WAPL: variants seen among roughly 807,000 people sequenced by gnomAD.
WAPL encodes the protein WAPL cohesin release factor, also known as wings apart-like protein homolog.
WAPL carries 5 observed loss-of-function variants against 121.0 expected under a neutral mutation model. That is an observed-to-expected ratio of 0.04 (90% CI 0.02 to 0.09). The LOEUF is 0.09. Ranked by LOEUF, WAPL falls within the 10% of genes least tolerant of loss-of-function variation. WAPL has a pLI of 1.00. For missense variants in WAPL, 999 were observed against 1,410.8 expected (o/e 0.71, Z 4.68); for synonymous variants, 480 against 481.5 (o/e 1.00, Z 0.04).
chr10:86,460,575 G>T, intron 10 of WAPL, 79 bp from the exon 11 acceptor site: 1 of 1,189,296 alleles, frequency 8.4e-7, no homozygotes, highest in Non-Finnish European at 1.2e-6. Context: ...AACATTAGAA[G>T]CCATCTGTAC....
chr10:86,471,307 T>TA (rs888003977), intron 7 of WAPL, among the ~76,000 whole-genome samples: 6 of 152,184 alleles, frequency 3.9e-5, no homozygotes, highest in Non-Finnish European at 7.3e-5. Context: ...CACTGTATTT[T>TA]AAAAAAATAA....
intron 4 of WAPL, among the ~76,000 whole-genome samples, chr10:86,491,640 A>T (rs928100137): frequency 2.6e-5 from 4 of 152,056 alleles, no homozygotes; most frequent in African/African-American, 9.7e-5. Flanking sequence ...ACAGAAGGCA[A>T]GGGAAGTGCT....
At chr10:86,461,812 G>C (rs184597818) in intron 9 of WAPL, among the ~76,000 whole-genome samples, 2 of 152,164 alleles carry the variant, frequency 1.3e-5, no homozygotes, top group Non-Finnish European at 2.9e-5. Flanking sequence ...TATTAACTAT[G>C]TTTCTACTAT....
At chr10:86,452,489 G>C (rs1841006711) in intron 14 of WAPL, among the ~76,000 whole-genome samples, 1 of 152,126 alleles carries the variant, frequency 6.6e-6, no homozygotes, top group South Asian at 2.1e-4. Context: ...CTAATTGGGA[G>C]GCTGAGGCAG....
At chr10:86,492,202 T>C (rs1036112316) in intron 4 of WAPL, among the ~76,000 whole-genome samples, 1 of 152,212 alleles carries the variant, frequency 6.6e-6, no homozygotes, top group South Asian at 2.1e-4. Context: ...ACTGAATCTA[T>C]AGTGATGGAG....
chr10:86,459,563 G>C (rs1190767480), intron 11 of WAPL, among the ~76,000 whole-genome samples: 1 of 152,212 alleles, frequency 6.6e-6, no homozygotes, highest in Non-Finnish European at 1.5e-5. Flanking sequence ...TTAGCTGGCA[G>C]TATAAATTCT....
intron 4 of WAPL, among the ~76,000 whole-genome samples, chr10:86,495,460 C>T (rs1842131432): frequency 1.3e-5 from 2 of 150,506 alleles, no homozygotes; most frequent in Non-Finnish European, 3.0e-5. Flanking sequence ...GTGAGACCAT[C>T]TCAAAAAAAA....
chr10:86,442,819 C>G (rs138585490), intron 17 of WAPL, among the ~76,000 whole-genome samples: 12,144 of 152,154 alleles, frequency 0.08, 862 homozygotes, highest in East Asian at 0.38. Context: ...GCAGGCGGAT[C>G]ACGAGGTCAG....
At chr10:86,491,341 G>A (rs529114903) in intron 4 of WAPL, among the ~76,000 whole-genome samples, 69 of 151,666 alleles carry the variant, frequency 4.5e-4, no homozygotes, top group African/African-American at 1.4e-3. Flanking sequence ...GGATTTCACC[G>A]TGTTAGCCAG....
intron 4 of WAPL, among the ~76,000 whole-genome samples, chr10:86,496,888 G>GT (rs933475409): frequency 1.2e-5 from 1 of 84,962 alleles, no homozygotes; most frequent in African/African-American, 3.1e-5. Flanking sequence ...GTGTGCAGTG[G>GT]GGGAGGAAGT....
chr10:86,440,590 C>T (rs1214811637), intron 17 of WAPL, among the ~76,000 whole-genome samples: 2 of 152,148 alleles, frequency 1.3e-5, no homozygotes, highest in Non-Finnish European at 2.9e-5. Context: ...TGAGCCACTG[C>T]GCCCGGCCTT....
At position 86,472,347 on chromosome 10, in the gene WAPL, G is replaced by T; in HGVS notation, c.1894-3C>A. ...ACGTGCTGAACAACAGTATATAACT[G>T]CCAAGAAAAAAAAAGTTCACCCCTT... On this transcript the variant is annotated splice_polypyrimidine_tract_variant and splice_region_variant and intron_variant, in intron 6 of 18. Coordinates refer to ENST00000298767, the MANE Select transcript of WAPL (RefSeq NM_015045.5). The surrounding 1 kb of genome is among the most constrained non-coding windows in gnomAD (Gnocchi z 4.2). The T allele has an allele frequency of 1.3e-6, 2 of 1,584,594 alleles. No individual in the cohort carries two copies. The highest frequency in any genetic ancestry group is 8.5e-7 in the Non-Finnish European group (1 of 1,173,324).
intron 12 of WAPL, among the ~76,000 whole-genome samples, chr10:86,455,822 TA>T (rs1327694548): frequency 6.6e-6 from 1 of 151,446 alleles, no homozygotes; most frequent in Non-Finnish European, 1.5e-5. Context: ...GTGGGTTGCA[TA>T]AAAAATATAG....
At position 86,435,768 on chromosome 10, in the gene WAPL, T is replaced by C. The variant is rs1222245747; in HGVS notation, c.*1775A>G. On this transcript the variant is annotated 3_prime_UTR_variant, in exon 19 of 19. Transcript: ENST00000298767. ...TGATTGTTCTCATCCAAATGTTTTA[T>C]AATATTCCTTACCATCTGCCACAAG... 2 of 152,566 alleles carry C rather than the reference T, an allele frequency of 1.3e-5. No individual in the cohort carries two copies. Among genetic ancestry groups the C allele is most frequent in the South Asian group, 2.1e-4 (1 of 4,830 alleles). 9.5% of individuals were successfully genotyped at this position (152,566 alleles called of 1,614,324 possible).
chr10:86,474,965 GAC>G (rs542566267), intron 4 of WAPL, among the ~76,000 whole-genome samples: 123 of 152,222 alleles, frequency 8.1e-4, no homozygotes, highest in African/African-American at 2.7e-3. Context: ...CATATTCCAA[GAC>G]ACAGTGGGAT....
chr10:86,460,559 T>G, intron 10 of WAPL, 63 bp from the exon 11 acceptor site: 2 of 1,350,680 alleles, frequency 1.5e-6, no homozygotes, highest in Non-Finnish European at 2.1e-6. Flanking sequence ...TAGAATACTT[T>G]TAGCTAACAT....
At chr10:86,489,220 C>A (rs1228881498) in intron 4 of WAPL, among the ~76,000 whole-genome samples, 1 of 152,218 alleles carries the variant, frequency 6.6e-6, no homozygotes, top group African/African-American at 2.4e-5. Context: ...CTTGTGACAA[C>A]TAAACTAACA....
intron 2 of WAPL, 37 bp downstream of exon 2, chr10:86,517,534 G>A: frequency 6.4e-7 from 1 of 1,550,552 alleles, no homozygotes; most frequent in Non-Finnish European, 8.7e-7. Context: ...GTTGCACAAA[G>A]CTCTCTTGGC....
At chr10:86,493,150 G>A (rs978273240) in intron 4 of WAPL, among the ~76,000 whole-genome samples, 2 of 151,686 alleles carry the variant, frequency 1.3e-5, no homozygotes, top group African/African-American at 4.8e-5. Flanking sequence ...AAATGATTAT[G>A]GTTTGGGAAA....
Sources: allele counts gnomAD v4.1 joint callset (sites outside exome capture counted in the v4.1 genomes callset), GRCh38; gene constraint gnomAD v4.1.1; non-coding constraint Gnocchi (gnomAD v3.1); transcripts MANE v1.5; gene names NCBI Gene and HGNC (gene_info 2026-07-23, HGNC 2026-07-21).